Variants in MC2R observed in about 807,000 individuals in gnomAD.
The protein encoded by MC2R is adrenocorticotropic hormone receptor.
A neutral mutation model predicts 9.8 loss-of-function variants in MC2R; 9 were observed. The ratio of observed to expected loss-of-function variants is 0.92; its 90% CI spans 0.55 to 1.60. MC2R has a LOEUF of 1.60. Ranked by LOEUF, MC2R falls within the 40% of genes most tolerant of loss-of-function variation. The pLI is 0.00. For missense variants in MC2R, 370 were observed against 389.0 expected, an observed-to-expected ratio of 0.95 and a Z score of 0.41; for synonymous variants, 185 against 154.7, an observed-to-expected ratio of 1.20 and a Z score of -1.45.
intron 1 of MC2R, among the ~76,000 whole-genome samples, chr18:13,914,873 G>C (rs2045467250): frequency 6.6e-6 from 1 of 152,246 alleles, no homozygotes; most frequent in Admixed American, 6.5e-5. Flanking sequence ...AGGAGTATGT[G>C]ATAATCAGTA....
intron 1 of MC2R, among the ~76,000 whole-genome samples, chr18:13,896,978 G>A (rs2045349305): frequency 6.6e-6 from 1 of 152,122 alleles, no homozygotes; most frequent in East Asian, 1.9e-4. Context: ...CAGAATAGAA[G>A]GCTCCACTGA....
At chr18:13,892,127 C>T (rs995469418) in intron 1 of MC2R, among the ~76,000 whole-genome samples, 1 of 152,124 alleles carries the variant, frequency 6.6e-6, no homozygotes, top group Admixed American at 6.5e-5. Context: ...CACCATCATG[C>T]AGGGTCGTGC....
Position 13,885,099 on chromosome 18 carries a change from G to C in MC2R, c.420C>G (p.Ser140Arg). Reference protein sequence around the residue: ...ITIFHALRYHSIVTMRRTVVV... With the variant: ...ITIFHALRYHRIVTMRRTVVV... ...CCACAGTGCGGCGCATGGTCACGAT[G>C]CTGTGGTACCGCAGTGCGTGGAAGA... Residue 140 changes from serine to arginine, a missense_variant, in exon 2 of 2, where the codon AGC becomes AGG. Coordinates refer to ENST00000327606, the MANE Select transcript of MC2R (RefSeq NM_000529.2). 5 of 1,614,186 alleles carry C rather than the reference G, an allele frequency of 3.1e-6. No homozygotes were observed. Among genetic ancestry groups the C allele is most frequent in the Non-Finnish European group, 4.2e-6 (5 of 1,180,040 alleles).
In MC2R at chr18:13,885,537, A is replaced by G. The variant is rs2045271059; in HGVS notation, c.-19T>C. On this transcript the variant is annotated 5_prime_UTR_variant, in exon 2 of 2. Coordinates refer to ENST00000327606, the MANE Select transcript of MC2R (RefSeq NM_000529.2). ...GCTTCATTTCTCCTGCTTGTGGTTAAGGCGGGGATGTTACTTGGACTTGAC... is the reference window on the plus strand; with the variant it reads ...GCTTCATTTCTCCTGCTTGTGGTTAGGGCGGGGATGTTACTTGGACTTGAC... 1 of 1,614,042 alleles carries G rather than the reference A, an allele frequency of 6.2e-7. No individual in the cohort carries two copies.
At chr18:13,899,625 G>A (rs756380996) in intron 1 of MC2R, among the ~76,000 whole-genome samples, 1 of 152,124 alleles carries the variant, frequency 6.6e-6, no homozygotes, top group Admixed American at 6.5e-5. Context: ...CAAGAGAAAA[G>A]AAACAACAGT....
At chr18:13,910,234 T>A (rs1370918974) in intron 1 of MC2R, among the ~76,000 whole-genome samples, 1 of 152,230 alleles carries the variant, frequency 6.6e-6, no homozygotes, top group Non-Finnish European at 1.5e-5. Context: ...GCTATATTTG[T>A]GTGGGCCTGT....
chr18:13,904,615 A>AAGG (rs2045401748), intron 1 of MC2R, among the ~76,000 whole-genome samples: 1 of 81,506 alleles, frequency 1.2e-5, no homozygotes, highest in African/African-American at 6.3e-5. Context: ...TTCAAACTAT[A>AAGG]CTACAAGGCT....
At chr18:13,904,534 G>A (rs1018317284) in intron 1 of MC2R, among the ~76,000 whole-genome samples, 2 of 150,690 alleles carry the variant, frequency 1.3e-5, no homozygotes, top group Non-Finnish European at 3.0e-5. Flanking sequence ...ATATAATCCT[G>A]GAAGTCCTGG....
Position 13,884,983 on chromosome 18 carries a change from G to A in MC2R, c.536C>T (p.Thr179Met), listed in dbSNP as rs755310158. The change falls in exon 2 of 2, where the codon ACG (threonine) becomes ATG (methionine). Residue 179 changes from threonine to methionine, a missense_variant. Transcript: ENST00000327606. Reference sequence around the variant, plus strand: ...GACCAGCATCAGCGGGAACAGCGACGTGAAGGTGATCACTGTGGGCACATG... The same window carrying A: ...GACCAGCATCAGCGGGAACAGCGACATGAAGGTGATCACTGTGGGCACATG... ...SHHVPTVITF[T>M]SLFPLMLVFI... 8 of 1,614,136 alleles carry A rather than the reference G, an allele frequency of 5.0e-6. No homozygotes were observed. The highest frequency in any genetic ancestry group is 3.3e-5 in the Admixed American group (2 of 60,020).
intron 1 of MC2R, among the ~76,000 whole-genome samples, chr18:13,904,314 G>A (rs1307940437): frequency 1.3e-5 from 2 of 148,428 alleles, no homozygotes; most frequent in East Asian, 4.0e-4. Flanking sequence ...CCGGGAGGCA[G>A]AGTTTGCAGT....
intron 1 of MC2R, among the ~76,000 whole-genome samples, chr18:13,895,656 G>C (rs2045341644): frequency 6.6e-6 from 1 of 152,200 alleles, no homozygotes; most frequent in South Asian, 2.1e-4. Context: ...TCTCAGGAAG[G>C]GGAGTGGATA....
intron 1 of MC2R, among the ~76,000 whole-genome samples, chr18:13,888,942 CT>C (rs2045296037): frequency 1.3e-5 from 2 of 152,222 alleles, no homozygotes; most frequent in Admixed American, 6.5e-5. Context: ...CTGCTGTCCT[CT>C]CCCATTTGCT....
At chr18:13,892,805 T>TACACACACACAC (rs34352644) in intron 1 of MC2R, among the ~76,000 whole-genome samples, 15 of 147,222 alleles carry the variant, frequency 1.0e-4, no homozygotes, top group African/African-American at 3.5e-4. Flanking sequence ...CATAATCTGT[T>TACACACACACAC]ACACACACAC....
chr18:13,887,545 T>A (rs1377679539), intron 1 of MC2R, among the ~76,000 whole-genome samples: 2 of 152,144 alleles, frequency 1.3e-5, no homozygotes, highest in Non-Finnish European at 2.9e-5. Context: ...GTGCCAGGTA[T>A]GTGGTGAGAC....
At chr18:13,905,159 A>G (rs1002814106) in intron 1 of MC2R, among the ~76,000 whole-genome samples, 1 of 152,250 alleles carries the variant, frequency 6.6e-6, no homozygotes, top group Admixed American at 6.5e-5. Context: ...TCTAATATCC[A>G]GAATTTACAA....
At position 13,884,564 on chromosome 18, in the gene MC2R, A is replaced by G. The variant is rs1187892608; in HGVS notation, c.*61T>C. ...GAGCACTGGCATTTGTTGGAATGTT[A>G]CACTATTCTGGCACTTGGCAACGTT... On this transcript the variant is annotated 3_prime_UTR_variant, in exon 2 of 2. Transcript: ENST00000327606. The G allele has an allele frequency of 3.2e-6, 5 of 1,561,862 alleles. No individual in the cohort carries two copies. The highest frequency in any genetic ancestry group is 4.4e-6 in the Non-Finnish European group (5 of 1,142,528).
Position 13,885,269 on chromosome 18 carries a change from T to G in MC2R, c.250A>C (p.Ile84Leu). 1 of 1,614,068 alleles carries G rather than the reference T, an allele frequency of 6.2e-7. No individual in the cohort carries two copies. Residue 84 changes from isoleucine (I) to leucine (L), a missense_variant, in exon 2 of 2, where the codon ATC (isoleucine) becomes CTC (leucine). Physicochemically the swap from Ile to Leu is conservative, Grantham distance 5. Coordinates refer to ENST00000327606, the MANE Select transcript of MC2R (RefSeq NM_000529.2). ...SLYKILENIL[I>L]ILRNMGYLKP... ...AGATAGCCCATGTTTCTCAATATGA[T>G]CAGGATATTTTCCAAGATCTTATAT...
intron 1 of MC2R, 112 bp from the exon 2 acceptor site, chr18:13,885,758 T>C (rs2045272573): frequency 1.9e-6 from 1 of 519,666 alleles, no homozygotes; most frequent in African/African-American, 1.9e-5. Context: ...GAAATCAGTA[T>C]ATTAGAAGGA....
chr18:13,912,244 A>G (rs16941303), intron 1 of MC2R, among the ~76,000 whole-genome samples: 6,790 of 152,210 alleles, frequency 0.045, 337 homozygotes, highest in East Asian at 0.18. Context: ...TTCTCTCTTA[A>G]TGCTCCAGTT....
Sources: allele counts gnomAD v4.1 joint callset (sites outside exome capture counted in the v4.1 genomes callset), GRCh38; gene constraint gnomAD v4.1.1; transcripts MANE v1.5; gene names NCBI Gene and HGNC (gene_info 2026-07-23, HGNC 2026-07-21).